Variants in HYDIN observed in about 807,000 individuals in gnomAD.
The protein encoded by HYDIN is HYDIN axonemal central pair apparatus protein.
HYDIN carries 132 observed loss-of-function variants against 403.9 expected under a neutral mutation model. That is an observed-to-expected ratio of 0.33 (90% confidence interval 0.28 to 0.38). The LOEUF is 0.38. Ranked by LOEUF, HYDIN falls within the 10% of genes least tolerant of loss-of-function variation. HYDIN has a pLI of 1.00. For synonymous variants in HYDIN, 1,202 were observed against 1,891.7 expected (o/e 0.64, Z 9.46); for missense variants, 2,827 against 5,009.5 (o/e 0.56, Z 13.15).
chr16:70,868,608 G>A lies in HYDIN; in HGVS notation c.11272C>T (p.Pro3758Ser), dbSNP rs1321938246. The change falls in exon 66 of 86, where the codon CCC (proline) becomes TCC (serine). Residue 3758 changes from proline (P) to serine (S), a missense_variant. Transcript: ENST00000393567. ...RMHTVKWVDVPRNMPGTFTTK... is the reference protein window; with the variant it reads ...RMHTVKWVDVSRNMPGTFTTK... ...GTGAAAGTCCCAGGCATGTTTCTGG[G>A]TACGTCCACCCACTTGACTGTGTGC... 3.1e-6 allele frequency: 5 copies of A among 1,613,470 alleles called. No homozygotes were observed. The South Asian group carries it at 3.3e-5, about 11-fold the overall frequency.
At chr16:71,139,204 G>C (rs554166544) in intron 7 of HYDIN, among the ~76,000 whole-genome samples, 72 of 151,820 alleles carry the variant, frequency 4.7e-4, no homozygotes, top group Non-Finnish European at 4.4e-5. Flanking sequence ...CCTATGTCTT[G>C]CAAATAACTT....
chr16:71,058,533 T>G (rs1431988316), intron 18 of HYDIN, among the ~76,000 whole-genome samples: 1 of 134,106 alleles, frequency 7.5e-6, no homozygotes, highest in Admixed American at 7.5e-5. Context: ...GCATGGCACA[T>G]GTATACATAT....
At chr16:70,909,179 C>T (rs1048704299) in intron 47 of HYDIN, among the ~76,000 whole-genome samples, 3 of 151,608 alleles carry the variant, frequency 2.0e-5, no homozygotes, top group African/African-American at 4.9e-5. Flanking sequence ...CAGTTATCCC[C>T]ATCTGCTTGC....
At chr16:71,126,407 G>A (rs1194505794) in intron 9 of HYDIN, among the ~76,000 whole-genome samples, 1 of 152,158 alleles carries the variant, frequency 6.6e-6, no homozygotes, top group Admixed American at 6.5e-5. Flanking sequence ...ATCAAGATGA[G>A]GACCAAAAAT....
intron 25 of HYDIN, among the ~76,000 whole-genome samples, chr16:70,990,854 T>C (rs1461836496): frequency 6.6e-6 from 1 of 152,242 alleles, no homozygotes; most frequent in East Asian, 1.9e-4. Context: ...ACCCACACTG[T>C]AGGAAAATCC....
At chr16:71,005,782 C>T (rs2079873208) in intron 23 of HYDIN, among the ~76,000 whole-genome samples, 1 of 146,576 alleles carries the variant, frequency 6.8e-6, no homozygotes, top group South Asian at 2.3e-4. Flanking sequence ...TTTACACTTT[C>T]TTTCACTCAG....
At chr16:70,840,429 T>C (rs949621147) in intron 75 of HYDIN, among the ~76,000 whole-genome samples, 196 bp from the exon 76 acceptor site, 4 of 151,874 alleles carry the variant, frequency 2.6e-5, no homozygotes, top group Non-Finnish European at 5.9e-5. Context: ...AGGCCCTACA[T>C]TGCCTCCCAC....
rs189486701 is a variant in HYDIN at position 71,221,950 on chromosome 16, G to A, written c.-24+8612C>T. 1.4e-4 allele frequency among the ~76,000 whole-genome samples: 22 copies of A among 152,288 alleles called. No individual in the cohort carries two copies. The South Asian group carries it at 3.3e-3, about 23-fold the overall frequency. On this transcript the variant is annotated intron_variant, in intron 1 of 85. Transcript: ENST00000393567. ...CCAAAGGTGGCCAACTTTTCAAACC[G>A]TGTTCAAATAAGGCAAGCAATGAGC...
chr16:70,961,920 G>A lies in HYDIN; in HGVS notation c.5968+39C>T, dbSNP rs779540824. On this transcript the variant is annotated intron_variant, in intron 38 of 85. Coordinates refer to ENST00000393567, the MANE Select transcript of HYDIN (RefSeq NM_001270974.2). ...GAATATTGTCTTCCTATTTCTGCTT[G>A]GAGAGAACTAGTATCAAAACACTAA... 4.9e-6 allele frequency: 5 copies of A among 1,022,424 alleles called. 1 individual carries two copies. The highest frequency in any genetic ancestry group is 3.1e-5 in the Admixed American group (1 of 32,036). 63.3% of individuals were successfully genotyped at this position (1,022,424 alleles called of 1,614,324 possible). A position where few individuals can be genotyped will look rare whatever the true frequency, so the allele number is the denominator to read the frequency against.
chr16:70,857,613 A>T (rs1426640554), intron 72 of HYDIN, 92 bp downstream of exon 72: 43 of 1,245,214 alleles, frequency 3.5e-5, no homozygotes, highest in Non-Finnish European at 4.3e-5. Flanking sequence ...AGGGACCAGG[A>T]GAGGTTTCTT....
At chr16:70,999,191 T>C (rs1026992588) in intron 23 of HYDIN, among the ~76,000 whole-genome samples, 1 of 152,202 alleles carries the variant, frequency 6.6e-6, no homozygotes, top group African/African-American at 2.4e-5. Flanking sequence ...ATTGGGATCC[T>C]TCATGGACCT....
Position 70,952,450 on chromosome 16 carries a change from GC to G in HYDIN, c.6501del (p.Gln2167HisfsTer38). 7.3e-7 allele frequency: 1 copy of G among 1,361,140 alleles called. No individual in the cohort carries two copies. The highest frequency in any genetic ancestry group is 1.0e-6 in the Non-Finnish European group (1 of 992,812). The allele number at this position is 1,361,140 out of a possible 1,614,324, so 84.3% of individuals were successfully genotyped here. ...ADSHGSGSQK[Q>X]HHSHQSETPQ... The stretch of plus-strand genomic sequence containing the variant: ...GGTGTTTCAGACTGGTGTGAGTGAT[GC>G]TGCTTCTGTGACCCGGAGCCATGGC... On this transcript the variant is annotated frameshift_variant, in exon 41 of 86. Transcript: ENST00000393567. LOFTEE classifies it high-confidence loss of function.
At chr16:71,012,108 C>T (rs1386719936) in intron 23 of HYDIN, among the ~76,000 whole-genome samples, 4 of 152,308 alleles carry the variant, frequency 2.6e-5, no homozygotes, top group African/African-American at 4.8e-5. Flanking sequence ...ACGGTTGGCT[C>T]TCTAGTCTGG....
Position 70,978,194 on chromosome 16 carries a change from G to A in HYDIN, c.4638+720C>T, listed in dbSNP as rs1004480968. Among the ~76,000 whole-genome samples, 13 of 146,910 alleles carry A rather than the reference G, an allele frequency of 8.8e-5. No homozygotes were observed. The Middle Eastern group carries it at 0.01, about 116-fold the overall frequency. ...CTGTCTCAGTCCCCCTCCTTACCCC[G>A]TCATCCAAGCAAGACTTAGAGGTCC... On this transcript the variant is annotated intron_variant, in intron 30 of 85. Transcript: ENST00000393567.
chr16:71,010,357 A>T (rs535474408), intron 23 of HYDIN, among the ~76,000 whole-genome samples: 1 of 152,282 alleles, frequency 6.6e-6, no homozygotes, highest in Admixed American at 6.5e-5. Flanking sequence ...AAGGGACAAA[A>T]GCTTAGATCA....
intron 10 of HYDIN, among the ~76,000 whole-genome samples, chr16:71,095,605 GC>G (rs1336833120): frequency 6.6e-6 from 1 of 151,000 alleles, no homozygotes; most frequent in African/African-American, 2.4e-5. Context: ...CTTACCCGAT[GC>G]TTACTTTTGC....
chr16:70,842,871 C>A (rs1389316424), intron 75 of HYDIN, among the ~76,000 whole-genome samples: 1 of 151,554 alleles, frequency 6.6e-6, no homozygotes, highest in Admixed American at 6.6e-5. Flanking sequence ...TAGATATTTT[C>A]TAGTGTACCA....
chr16:71,184,884 C>T lies in HYDIN; in HGVS notation c.242G>A (p.Gly81Glu). The T allele has an allele frequency of 4.4e-6, 7 of 1,606,506 alleles. No individual in the cohort carries two copies. Among genetic ancestry groups the T allele is most frequent in the Non-Finnish European group, 6.0e-6 (7 of 1,175,072 alleles). The change falls in exon 3 of 86, where the codon GGG becomes GAG. Residue 81 changes from glycine to glutamate, a missense_variant. By Grantham distance (98) the Gly-to-Glu change is moderately conservative. Coordinates refer to ENST00000393567, the MANE Select transcript of HYDIN (RefSeq NM_001270974.2). The stretch of plus-strand genomic sequence containing the variant: ...AGCTACCTTCTGATGTGTTGTTTCC[C>T]CCATATCTAAGAGTTCGATGATCTG... ...RPQIIELLDM[G>E]ETTHQKFSGI... is the part of the protein sequence containing the mutation.
In HYDIN at chr16:70,908,752, C is replaced by T; in HGVS notation, c.8114G>A (p.Arg2705Lys). Residue 2705 changes from arginine to lysine, a missense_variant, in exon 48 of 86, where the codon AGG becomes AAG. Coordinates refer to ENST00000393567, the MANE Select transcript of HYDIN (RefSeq NM_001270974.2). ...QKDKRHMALN[R>K]KVLSGEPAGT... ...AGCAGGTTCCCCAGAAAGGACCTTCCTGTTTAAGGCCATGTGACGCTTGTC... is the reference window on the plus strand; with the variant it reads ...AGCAGGTTCCCCAGAAAGGACCTTCTTGTTTAAGGCCATGTGACGCTTGTC... 1 of 1,614,118 alleles carries T rather than the reference C, an allele frequency of 6.2e-7. No homozygotes were observed. Among genetic ancestry groups the T allele is most frequent in the Non-Finnish European group, 8.5e-7 (1 of 1,180,024 alleles).
Sources: gnomAD v4.1 joint callset for allele counts (sites outside exome capture counted in the v4.1 genomes callset) on GRCh38, gnomAD v4.1.1 for gene constraint, MANE v1.5 for transcripts, NCBI Gene and HGNC (gene_info 2026-07-23, HGNC 2026-07-21) for gene names.